Variants in USO1 observed in about 807,000 individuals in gnomAD.
The protein encoded by USO1 is general vesicular transport factor p115.
Under a neutral mutation model 124.5 loss-of-function variants are expected in USO1, and 57 were observed. That is an observed-to-expected ratio of 0.46 (90% CI 0.37 to 0.57). The LOEUF is 0.57. Among genes scored for constraint, USO1 ranks in the 20% least tolerant of loss-of-function variants. USO1 has a pLI of 0.00. For synonymous variants in USO1, 369 were observed against 362.8 expected (o/e 1.02, Z -0.19); for missense variants, 900 against 1,040.6 (o/e 0.86, Z 1.86).
At chr4:75,734,697 A>G (rs941639997) in intron 1 of USO1, among the ~76,000 whole-genome samples, 4 of 114,154 alleles carry the variant, frequency 3.5e-5, no homozygotes, top group African/African-American at 1.3e-4. Context: ...TTGAATCTGT[A>G]GATTGCTTTG....
intron 19 of USO1, 54 bp from the exon 20 acceptor site, chr4:75,806,432 T>C (rs1157741547): frequency 8.5e-6 from 13 of 1,528,084 alleles, no homozygotes; most frequent in South Asian, 2.4e-5. Context: ...TGTTTTTTTT[T>C]CTCATCTCTT....
At chr4:75,781,151 C>G (rs1013772065) in intron 8 of USO1, among the ~76,000 whole-genome samples, 3 of 151,870 alleles carry the variant, frequency 2.0e-5, no homozygotes, top group Admixed American at 6.6e-5. Flanking sequence ...AAGTTGATTC[C>G]GGCAACCCTC....
intron 8 of USO1, among the ~76,000 whole-genome samples, chr4:75,782,168 T>A (rs983426942): frequency 6.6e-6 from 1 of 152,156 alleles, no homozygotes; most frequent in African/African-American, 2.4e-5. Context: ...TTCTTAGAGA[T>A]CAAATAAGAT....
chr4:75,752,215 T>C (rs896488521), intron 1 of USO1, among the ~76,000 whole-genome samples, 158 bp from the exon 2 acceptor site: 1 of 152,212 alleles, frequency 6.6e-6, no homozygotes, highest in Non-Finnish European at 1.5e-5. Context: ...TGTAATGAGA[T>C]TATAATACTA....
At chr4:75,751,097 G>A (rs1721286612) in intron 1 of USO1, among the ~76,000 whole-genome samples, 1 of 151,544 alleles carries the variant, frequency 6.6e-6, no homozygotes, top group Non-Finnish European at 1.5e-5. Context: ...TCTCATATTG[G>A]ATAGTTAAGT....
Position 75,807,559 on chromosome 4 carries a change from T to G in USO1, c.2376+987T>G, listed in dbSNP as rs536269163. Among the ~76,000 whole-genome samples, 52 of 152,296 alleles carry G rather than the reference T, an allele frequency of 3.4e-4. 2 individuals are homozygous for G. Among genetic ancestry groups the G allele is most frequent in the Admixed American group, 3.2e-3 (49 of 15,292 alleles). Reference sequence around the variant, plus strand: ...AATGTCCATGTACCTCAGAGTAGATTCTAAATATCTGACCTCTTTTTAAAA... The same window carrying G: ...AATGTCCATGTACCTCAGAGTAGATGCTAAATATCTGACCTCTTTTTAAAA... On this transcript the variant is annotated intron_variant, in intron 20 of 23. Transcript: ENST00000514213.
At chr4:75,805,107 G>T (rs368550753) in intron 18 of USO1, 33 bp from the exon 19 acceptor site, 2 of 1,515,038 alleles carry the variant, frequency 1.3e-6, no homozygotes, top group East Asian at 2.4e-5. Flanking sequence ...GAAGTTTCCC[G>T]TTGGCTTTTA....
intron 10 of USO1, among the ~76,000 whole-genome samples, chr4:75,787,934 G>T (rs1198097152): frequency 6.6e-6 from 1 of 151,656 alleles, no homozygotes; most frequent in Non-Finnish European, 1.5e-5. Flanking sequence ...TCATTTTACT[G>T]TTACTCTATA....
intron 1 of USO1, among the ~76,000 whole-genome samples, chr4:75,748,139 G>A (rs1274799443): frequency 6.6e-6 from 1 of 151,464 alleles, no homozygotes; most frequent in Non-Finnish European, 1.5e-5. Flanking sequence ...CCTGACCTCA[G>A]GTGATCCGCC....
rs2149199175 is a variant in USO1 at position 75,813,933 on chromosome 4, CTT to C, written c.*641_*642del. ...TGATGTGGAGGGCATTCCGGAGAAA[CTT>C]TTGCAACAGTGTATTAATGTGATTG... On this transcript the variant is annotated 3_prime_UTR_variant, in exon 24 of 24. Transcript: ENST00000514213. The C allele has an allele frequency of 6.6e-6, 1 of 152,300 alleles. No homozygotes were observed. The highest frequency in any genetic ancestry group is 2.4e-5 in the African/African-American group (1 of 41,544). 9.4% of individuals were successfully genotyped at this position (152,300 alleles called of 1,614,324 possible).
intron 4 of USO1, among the ~76,000 whole-genome samples, chr4:75,767,878 C>T (rs1229453367): frequency 2.0e-5 from 3 of 152,150 alleles, no homozygotes; most frequent in Non-Finnish European, 4.4e-5. Context: ...TTGTGAATTT[C>T]TACAAAAAGG....
chr4:75,799,968 A>ATTTT, intron 14 of USO1, among the ~76,000 whole-genome samples: 1 of 149,882 alleles, frequency 6.7e-6, no homozygotes, highest in Non-Finnish European at 1.5e-5. Flanking sequence ...TTTTGAAATG[A>ATTTT]AGTCTTGCTC....
At chr4:75,778,605 A>T (rs79609612) in intron 8 of USO1, among the ~76,000 whole-genome samples, 1 of 152,226 alleles carries the variant, frequency 6.6e-6, no homozygotes, top group East Asian at 1.9e-4. Context: ...GTTGCCAGGG[A>T]TTTGGGGATA....
chr4:75,805,382 A>C (rs1319240844), intron 19 of USO1, 79 bp downstream of exon 19: 1 of 1,441,460 alleles, frequency 6.9e-7, no homozygotes, highest in South Asian at 1.6e-5. Flanking sequence ...TTTTCCTTGG[A>C]TCTCTTAAGC....
chr4:75,776,412 A>C (rs1407885343), intron 8 of USO1, among the ~76,000 whole-genome samples: 1 of 152,218 alleles, frequency 6.6e-6, no homozygotes, highest in Non-Finnish European at 1.5e-5. Flanking sequence ...GTTTGAAAAG[A>C]TTAAATGGAA....
At chr4:75,765,433 G>C (rs1207481455) in intron 4 of USO1, among the ~76,000 whole-genome samples, 2 of 152,038 alleles carry the variant, frequency 1.3e-5, no homozygotes, top group African/African-American at 4.8e-5. Context: ...GATTTTATTG[G>C]GTATGTAACA....
chr4:75,793,205 C>CTTTTTTTTT (rs67560505), intron 12 of USO1, among the ~76,000 whole-genome samples: 1 of 87,728 alleles, frequency 1.1e-5, no homozygotes, highest in Non-Finnish European at 2.1e-5. Flanking sequence ...TCTCTCTCTC[C>CTTTTTTTTT]TTTTTTTTTT....
intron 1 of USO1, among the ~76,000 whole-genome samples, chr4:75,741,330 A>T (rs1720953518): frequency 6.6e-6 from 1 of 152,204 alleles, no homozygotes; most frequent in Non-Finnish European, 1.5e-5. Context: ...CAAGTGAGTG[A>T]GTGGTGAATG....
At position 75,774,708 on chromosome 4, in the gene USO1, C is replaced by T. The variant is rs1722025156; in HGVS notation, c.588C>T (p.Ser196=). 6.2e-7 allele frequency: 1 copy of T among 1,613,300 alleles called. No individual in the cohort carries two copies. The highest frequency in any genetic ancestry group is 1.3e-5 in the African/African-American group (1 of 74,888). ...GVLLLQALTR[S]NGAIQKIVAF... ...TACTACTGCAGGCACTAACAAGAAG[C>T]AATGGTGCAATCCAGAAAATTGTTG... is the stretch of plus-strand genomic sequence containing the variant. Residue 196 remains serine (S), a synonymous_variant, in exon 8 of 24, where the codon AGC becomes AGT. Transcript: ENST00000514213.
Sources: allele counts gnomAD v4.1 joint callset (sites outside exome capture counted in the v4.1 genomes callset), GRCh38; gene constraint gnomAD v4.1.1; transcripts MANE v1.5; gene names NCBI Gene and HGNC (gene_info 2026-07-23, HGNC 2026-07-21).